SLC16A12: variants seen among roughly 807,000 people sequenced by gnomAD.
SLC16A12 encodes the protein solute carrier family 16 member 12, also known as monocarboxylate transporter 12.
Under a neutral mutation model 42.4 loss-of-function variants are expected in SLC16A12, and 17 were observed. The observed-to-expected ratio is 0.40, with a 90% CI of 0.27 to 0.60. The LOEUF (loss-of-function observed/expected upper bound fraction) is 0.60. Ranked by LOEUF, SLC16A12 falls within the 20% of genes least tolerant of loss-of-function variation. The probability of loss-of-function intolerance (pLI) is 0.42; values close to 1 mark genes in which losing one functional copy is unlikely to be tolerated. For missense variants in SLC16A12, 544 were observed against 623.0 expected (o/e 0.87, Z 1.35); for synonymous variants, 224 against 229.4 (o/e 0.98, Z 0.21).
chr10:89,430,545 C>A lies in SLC16A12; in HGVS notation c.*2519G>T. 7.1e-6 allele frequency: 3 copies of A among 421,938 alleles called. No individual in the cohort carries two copies. The highest frequency in any genetic ancestry group is 5.6e-5 in the South Asian group (3 of 54,042). 26.1% of individuals were successfully genotyped at this position (421,938 alleles called of 1,614,324 possible). ...TTGTTCTTGATTCCACAAAATACAT[C>A]ATTCCCATGAATTTCTCAGTTTTGA... On this transcript the variant is annotated 3_prime_UTR_variant, in exon 8 of 8. Coordinates refer to ENST00000371790, the MANE Select transcript of SLC16A12 (RefSeq NM_213606.4).
intron 2 of SLC16A12, among the ~76,000 whole-genome samples, chr10:89,510,736 C>A (rs1437224163): frequency 6.6e-6 from 1 of 152,156 alleles, no homozygotes; most frequent in Admixed American, 6.5e-5. Flanking sequence ...CAAATGAGAT[C>A]TAATTAAACT....
chr10:89,451,345 C>G (rs1204943708), intron 3 of SLC16A12, among the ~76,000 whole-genome samples: 1 of 152,092 alleles, frequency 6.6e-6, no homozygotes, highest in Non-Finnish European at 1.5e-5. Flanking sequence ...GGAGTGCAGC[C>G]TACACAGTCA....
At chr10:89,476,958 C>G (rs1282828558) in intron 2 of SLC16A12, among the ~76,000 whole-genome samples, 1 of 152,252 alleles carries the variant, frequency 6.6e-6, no homozygotes, top group Non-Finnish European at 1.5e-5. Flanking sequence ...TCTGTAGACT[C>G]TGCTCACTGC....
Position 89,450,090 on chromosome 10 carries a change from C to G in SLC16A12, c.201-6231G>C, listed in dbSNP as rs560356917. Among the ~76,000 whole-genome samples, 9 of 152,310 alleles carry G rather than the reference C, an allele frequency of 5.9e-5. 1 individual carries two copies. The South Asian group carries it at 1.0e-3, about 18-fold the overall frequency. ...ATCTCACACCAGTTAGAATGGCCAT[C>G]ATTAAAAAGTCAGGAAACAACAGGT... On this transcript the variant is annotated intron_variant, in intron 3 of 7. Coordinates refer to ENST00000371790, the MANE Select transcript of SLC16A12 (RefSeq NM_213606.4).
intron 2 of SLC16A12, among the ~76,000 whole-genome samples, chr10:89,463,994 T>C (rs1383748202): frequency 6.6e-6 from 1 of 152,192 alleles, no homozygotes; most frequent in East Asian, 1.9e-4. Context: ...TGATGGAACC[T>C]GACTCTCGTA....
Position 89,433,189 on chromosome 10 carries a change from T to C in SLC16A12, c.1426A>G (p.Lys476Glu). Reference sequence around the variant, plus strand: ...AGCTGCAGCTTAGGATCAGATTCTTTGGCAATGAACTGCAACTGGGTTTTT... The same window carrying C: ...AGCTGCAGCTTAGGATCAGATTCTTCGGCAATGAACTGCAACTGGGTTTTT... ...MRKTQLQFIA[K>E]ESDPKLQLWT... The change falls in exon 8 of 8, where the codon AAA becomes GAA. Residue 476 changes from lysine (K) to glutamate (E), a missense_variant. Transcript: ENST00000371790. 2.5e-6 allele frequency: 4 copies of C among 1,614,208 alleles called. 1 individual carries two copies. The South Asian group carries it at 3.3e-5, about 13-fold the overall frequency.
chr10:89,519,743 G>A (rs1208310565), intron 2 of SLC16A12, among the ~76,000 whole-genome samples: 2 of 151,882 alleles, frequency 1.3e-5, no homozygotes, highest in African/African-American at 4.8e-5. Flanking sequence ...GGGTGGGGGG[G>A]TCCGAGGAAA....
At chr10:89,506,785 A>G (rs1160231464) in intron 2 of SLC16A12, among the ~76,000 whole-genome samples, 1 of 152,138 alleles carries the variant, frequency 6.6e-6, no homozygotes, top group African/African-American at 2.4e-5. Context: ...CTCCAAGCTA[A>G]AGGAGCATGT....
chr10:89,444,628 T>C (rs548878026), intron 3 of SLC16A12, among the ~76,000 whole-genome samples: 6 of 152,314 alleles, frequency 3.9e-5, no homozygotes, highest in African/African-American at 1.4e-4. Flanking sequence ...TTTATGTAAA[T>C]AGAAAATTTC....
At chr10:89,449,764 T>C (rs982670309) in intron 3 of SLC16A12, among the ~76,000 whole-genome samples, 6 of 152,150 alleles carry the variant, frequency 3.9e-5, no homozygotes, top group African/African-American at 1.4e-4. Context: ...AAATGGAATC[T>C]AATTAAACTA....
intron 2 of SLC16A12, among the ~76,000 whole-genome samples, chr10:89,524,155 TAA>T (rs1465006680): frequency 2.6e-5 from 4 of 152,138 alleles, no homozygotes; most frequent in Admixed American, 6.5e-5. Context: ...AAATAATAAA[TAA>T]AAGTCTTACC....
At chr10:89,546,100 C>A (rs1226244627) in intron 2 of SLC16A12, among the ~76,000 whole-genome samples, 1 of 150,284 alleles carries the variant, frequency 6.7e-6, no homozygotes, top group Non-Finnish European at 1.5e-5. Flanking sequence ...AGAAGAAAAC[C>A]TAGGCAGTAC....
chr10:89,514,258 A>C (rs1270391932), intron 2 of SLC16A12, among the ~76,000 whole-genome samples: 1 of 152,208 alleles, frequency 6.6e-6, no homozygotes, highest in African/African-American at 2.4e-5. Context: ...GTTGCAAGGA[A>C]ATTGAGAAAG....
chr10:89,459,540 G>GTGTGTGTGTGTGTA (rs1471215564), intron 3 of SLC16A12, among the ~76,000 whole-genome samples: 4 of 150,088 alleles, frequency 2.7e-5, no homozygotes, highest in Non-Finnish European at 5.9e-5. Flanking sequence ...GTGTGTGTAT[G>GTGTGTGTGTGTGTA]TGTGTGTGTG....
intron 2 of SLC16A12, among the ~76,000 whole-genome samples, chr10:89,500,891 C>T (rs1387801684): frequency 6.6e-6 from 1 of 152,122 alleles, no homozygotes; most frequent in Non-Finnish European, 1.5e-5. Context: ...ACCTCGAAAA[C>T]CCTAAAGACT....
chr10:89,539,908 T>TCTTTCTTTCTTC (rs1843703905), upstream of SLC16A12, among the ~76,000 whole-genome samples: 1 of 147,710 alleles, frequency 6.8e-6, no homozygotes, highest in Non-Finnish European at 1.5e-5. Flanking sequence ...TTTCTTTCTT[T>TCTTTCTTTCTTC]CTTTTTTCTT....
intron 6 of SLC16A12, among the ~76,000 whole-genome samples, chr10:89,437,742 A>C (rs1190965167): frequency 6.6e-6 from 1 of 152,184 alleles, no homozygotes; most frequent in Non-Finnish European, 1.5e-5. Flanking sequence ...GAGAAGCTAC[A>C]TGATGGTATT....
At chr10:89,450,256 C>G (rs1247298714) in intron 3 of SLC16A12, among the ~76,000 whole-genome samples, 4 of 152,218 alleles carry the variant, frequency 2.6e-5, no homozygotes, top group Non-Finnish European at 4.4e-5. Flanking sequence ...GATCCTGTTA[C>G]TGGGTATATA....
rs147038698 is a variant in SLC16A12 at position 89,511,136 on chromosome 10, C to A, written c.-47+23365G>T. ...AACGCTTTTACACTGTTGGTGGGAG[C>A]GTAAATTAGTTCAACCATTGTGGAA... On this transcript the variant is annotated intron_variant, in intron 2 of 7. Transcript: ENST00000371790. 1.8e-3 allele frequency among the ~76,000 whole-genome samples: 267 copies of A among 152,098 alleles called. 3 individuals are homozygous for A. The East Asian group carries it at 0.046, about 26-fold the overall frequency.
Sources: gnomAD v4.1 joint callset for allele counts (sites outside exome capture counted in the v4.1 genomes callset) on GRCh38, gnomAD v4.1.1 for gene constraint, MANE v1.5 for transcripts, NCBI Gene and HGNC (gene_info 2026-07-23, HGNC 2026-07-21) for gene names.